The following MIA2 variants were observed in gnomAD, a reference collection of about 807,000 sequenced individuals.
MIA2 encodes the protein melanoma inhibitory activity protein 2.
MIA2 carries 127 observed loss-of-function variants against 167.8 expected under a neutral mutation model. That is an observed-to-expected ratio of 0.76 (90% CI 0.66 to 0.88). MIA2 has a LOEUF of 0.88. MIA2 is among the 40% of genes least tolerant of loss of function. MIA2 has a pLI of 0.00. For synonymous variants in MIA2, 552 were observed against 541.9 expected, an observed-to-expected ratio of 1.02 and a Z score of -0.26; for missense variants, 1,690 against 1,624.7, an observed-to-expected ratio of 1.04 and a Z score of -0.69.
intron 6 of MIA2, among the ~76,000 whole-genome samples, chr14:39,258,119 A>G (rs962962604): frequency 6.6e-6 from 1 of 152,110 alleles, no homozygotes. Context: ...TCTTGAATTT[A>G]AATGTTGGCC....
In MIA2 at chr14:39,266,402, T is replaced by A. The variant is rs932906524; in HGVS notation, c.1888-10532T>A. On this transcript the variant is annotated intron_variant, in intron 6 of 28. Transcript: ENST00000640607. The stretch of plus-strand genomic sequence containing the variant: ...GGCAAGGTGCTACTTTTAGCTCCTC[T>A]TCTCGGAGGAAAACAGCACGCACCG... 6.1e-6 allele frequency: 6 copies of A among 985,260 alleles called. No individual in the cohort carries two copies. The African/African-American group carries it at 1.0e-4, about 17-fold the overall frequency. 61.0% of individuals were successfully genotyped at this position (985,260 alleles called of 1,614,324 possible).
At chr14:39,302,583 G>C (rs1251382997) in intron 15 of MIA2, among the ~76,000 whole-genome samples, 1 of 152,038 alleles carries the variant, frequency 6.6e-6, no homozygotes, top group Non-Finnish European at 1.5e-5. Flanking sequence ...TAATCAAATG[G>C]ATGAATGACT....
chr14:39,343,864 T>A, intron 25 of MIA2, among the ~76,000 whole-genome samples: 1 of 152,230 alleles, frequency 6.6e-6, no homozygotes, highest in East Asian at 1.9e-4. Context: ...TATGTGCATT[T>A]GACCAGAATA....
At chr14:39,381,897 A>C (rs1311501775) in intron 23 of MIA2, among the ~76,000 whole-genome samples, 1 of 152,198 alleles carries the variant, frequency 6.6e-6, no homozygotes, top group African/African-American at 2.4e-5. Context: ...AATTTATATG[A>C]CTACTGAGCT....
rs746838873 is a variant in MIA2, at chr14:39,313,337, A to C, written c.3018-3A>C. ...GAGAATTATAACATTTTTTGTTTTT[A>C]AGGAAATTAACAGTAGAGGAAAATT... On this transcript the variant is annotated splice_region_variant and splice_polypyrimidine_tract_variant and intron_variant, in intron 18 of 28. Transcript: ENST00000640607. 6 of 1,499,310 alleles carry C rather than the reference A, an allele frequency of 4.0e-6. No homozygotes were observed. Among genetic ancestry groups the C allele is most frequent in the Non-Finnish European group, 4.6e-6 (5 of 1,093,632 alleles). 92.9% of individuals were successfully genotyped at this position (1,499,310 alleles called of 1,614,324 possible). A position where few individuals can be genotyped will look rare whatever the true frequency, so the allele number is the denominator to read the frequency against.
At chr14:39,302,103 A>T in intron 14 of MIA2, 26 bp from the exon 15 acceptor site, 1 of 1,608,768 alleles carries the variant, frequency 6.2e-7, no homozygotes. Flanking sequence ...TACCCTCTCT[A>T]TTTTTCCCCT....
chr14:39,302,369 T>G (rs1271159411), intron 15 of MIA2, 120 bp downstream of exon 15: 7 of 1,105,268 alleles, frequency 6.3e-6, no homozygotes, highest in South Asian at 1.6e-5. Context: ...TCTGTCTGTC[T>G]GTGACACACT....
At chr14:39,284,641 A>G (rs2059368448) in intron 9 of MIA2, among the ~76,000 whole-genome samples, 1 of 151,654 alleles carries the variant, frequency 6.6e-6, no homozygotes, top group Non-Finnish European at 1.5e-5. Flanking sequence ...TCTTTCATCA[A>G]TGTTTTATAC....
At chr14:39,368,198 G>GGC (rs1259522241) in intron 23 of MIA2, among the ~76,000 whole-genome samples, 1 of 152,152 alleles carries the variant, frequency 6.6e-6, no homozygotes, top group Non-Finnish European at 1.5e-5. Flanking sequence ...AGGATTAAGG[G>GGC]GCGAGAGAGC....
At chr14:39,346,489 C>T (rs546862288) in intron 26 of MIA2, among the ~76,000 whole-genome samples, 22 of 152,106 alleles carry the variant, frequency 1.4e-4, no homozygotes, top group Non-Finnish European at 2.4e-4. Context: ...TACTATTTGT[C>T]AGGCTGTCTT....
At chr14:39,285,439 T>C (rs1233357067) in intron 9 of MIA2, among the ~76,000 whole-genome samples, 15 of 90,408 alleles carry the variant, frequency 1.7e-4, no homozygotes, top group South Asian at 3.9e-4. Flanking sequence ...CCCCCCCACC[T>C]TCCTCCCGGA....
At position 39,304,364 on chromosome 14, in the gene MIA2, C is replaced by G; in HGVS notation, c.2861C>G (p.Thr954Arg). 6.4e-7 allele frequency: 1 copy of G among 1,564,892 alleles called. No homozygotes were observed. Among genetic ancestry groups the G allele is most frequent in the Non-Finnish European group, 8.7e-7 (1 of 1,153,980 alleles). Residue 954 changes from threonine (T) to arginine (R), a missense_variant, in exon 17 of 29, where the codon ACA becomes AGA. Thr to Arg is a moderately conservative substitution (Grantham distance 71). Coordinates refer to ENST00000640607, the MANE Select transcript of MIA2 (RefSeq NM_001329214.4). ...ATTCAGTTGTCTGAAGTTGATAAAA[C>G]AAAGGAAGAGCTTACAGGTAGGTCA... ...IYIQLSEVDK[T>R]KEELTEHIKN...
At chr14:39,327,603 A>C (rs1206534957) in intron 25 of MIA2, among the ~76,000 whole-genome samples, 1 of 146,942 alleles carries the variant, frequency 6.8e-6, no homozygotes, top group Non-Finnish European at 1.5e-5. Context: ...GTTTCTCCTA[A>C]TGCTATCCTC....
intron 25 of MIA2, among the ~76,000 whole-genome samples, chr14:39,343,427 A>AT (rs924617644): frequency 6.6e-6 from 1 of 152,128 alleles, no homozygotes; most frequent in Non-Finnish European, 1.5e-5. Context: ...GATTACAGGC[A>AT]TGAGCCACCA....
At chr14:39,245,911 C>A (rs962000241) in intron 3 of MIA2, among the ~76,000 whole-genome samples, 1 of 152,040 alleles carries the variant, frequency 6.6e-6, no homozygotes, top group African/African-American at 2.4e-5. Flanking sequence ...ACAGTCAAAC[C>A]ATAGAACCCT....
rs1336918175 is a variant in MIA2, at chr14:39,243,695, G to A, written c.336+3048G>A. 2.6e-5 allele frequency among the ~76,000 whole-genome samples: 4 copies of A among 152,202 alleles called. No individual in the cohort carries two copies. In the East Asian group the frequency reaches 5.8e-4, roughly 22 times the overall value. ...AGCCTGACCAATACGGTGAAACCACGTCTTTACTAAGAATACAAAAATTAG... is the reference window on the plus strand; with the variant it reads ...AGCCTGACCAATACGGTGAAACCACATCTTTACTAAGAATACAAAAATTAG... On this transcript the variant is annotated intron_variant, in intron 3 of 28. Coordinates refer to ENST00000640607, the MANE Select transcript of MIA2 (RefSeq NM_001329214.4).
intron 23 of MIA2, among the ~76,000 whole-genome samples, chr14:39,379,675 A>G (rs2075114457): frequency 6.6e-6 from 1 of 152,064 alleles, no homozygotes. Flanking sequence ...AACATGGCAA[A>G]ACCCCACCCC....
At chr14:39,275,139 TTGTGTGTG>T (rs67380839) in intron 6 of MIA2, among the ~76,000 whole-genome samples, 2 of 126,632 alleles carry the variant, frequency 1.6e-5, no homozygotes, top group African/African-American at 3.0e-5. Context: ...CCTTAATCCT[TTGTGTGTG>T]TGTGTGTGTG....
chr14:39,236,951 G>A lies in MIA2; in HGVS notation c.145G>A (p.Asp49Asn), dbSNP rs1184188066. The A allele has an allele frequency of 1.2e-6, 2 of 1,613,804 alleles. No homozygotes were observed. The highest frequency in any genetic ancestry group is 1.3e-5 in the African/African-American group (1 of 75,060). ...ALINRVSAMR[D>N]YRGPDCRYLN... ...AATAAACAGAGTCTCAGCCATGAGA[G>A]ATTATAGAGGACCTGACTGCCGATA... The change falls in exon 2 of 29, where the codon GAT becomes AAT. Residue 49 changes from aspartate (D) to asparagine (N), a missense_variant. Transcript: ENST00000640607.
Sources: gnomAD v4.1 joint callset for allele counts (sites outside exome capture counted in the v4.1 genomes callset) on GRCh38, gnomAD v4.1.1 for gene constraint, MANE v1.5 for transcripts, NCBI Gene and HGNC (gene_info 2026-07-23, HGNC 2026-07-21) for gene names.